SORCS1: variants seen among roughly 807,000 people sequenced by gnomAD.
SORCS1 encodes sortilin related VPS10 domain containing receptor 1.
In SORCS1, 60 loss-of-function variants were observed where a neutral mutation model predicts 146.1. The ratio of observed to expected loss-of-function variants is 0.41; its 90% CI spans 0.33 to 0.51. The LOEUF is 0.51. Ranked by LOEUF, SORCS1 falls within the 20% of genes least tolerant of loss-of-function variation. The pLI, the probability that SORCS1 is intolerant of heterozygous loss-of-function variation, is 0.21. For synonymous variants in SORCS1, 637 were observed against 584.0 expected (o/e 1.09, Z -1.31); for missense variants, 1,352 against 1,487.6 (o/e 0.91, Z 1.50).
At chr10:107,079,649 G>A (rs938567459) in intron 1 of SORCS1, among the ~76,000 whole-genome samples, 9 of 152,082 alleles carry the variant, frequency 5.9e-5, no homozygotes, top group Non-Finnish European at 1.2e-4. Context: ...CCCCAATTCC[G>A]AAAAATGGGT....
chr10:107,049,337 T>G (rs1253271115), intron 1 of SORCS1, among the ~76,000 whole-genome samples: 1 of 149,518 alleles, frequency 6.7e-6, no homozygotes, highest in Non-Finnish European at 1.5e-5. Flanking sequence ...AGTTAATGGG[T>G]GCAGCACACC....
At chr10:106,893,725 A>G (rs7096260) in intron 2 of SORCS1, among the ~76,000 whole-genome samples, 73,047 of 152,026 alleles carry the variant, frequency 0.48, 18,299 homozygotes, top group African/African-American at 0.62. Context: ...AAAAAAATGC[A>G]AGTGGAAAAA....
intron 2 of SORCS1, among the ~76,000 whole-genome samples, chr10:106,944,499 C>T (rs1439219482): frequency 6.6e-6 from 1 of 152,178 alleles, no homozygotes; most frequent in Non-Finnish European, 1.5e-5. Flanking sequence ...ACCTATGGTA[C>T]TTCTACTATG....
chr10:106,803,600 C>T (rs1947019274), intron 3 of SORCS1, among the ~76,000 whole-genome samples: 1 of 152,186 alleles, frequency 6.6e-6, no homozygotes, highest in Non-Finnish European at 1.5e-5. Context: ...CAACCTCTAT[C>T]AGCTCTTTAG....
intron 6 of SORCS1, among the ~76,000 whole-genome samples, chr10:106,722,589 G>C (rs1273101296): frequency 6.6e-6 from 1 of 152,156 alleles, no homozygotes; most frequent in Non-Finnish European, 1.5e-5. Flanking sequence ...CGGTGAATGA[G>C]ATTAGTCCTT....
chr10:106,989,473 AG>A (rs1956653743), intron 1 of SORCS1, among the ~76,000 whole-genome samples: 1 of 151,822 alleles, frequency 6.6e-6, no homozygotes, highest in African/African-American at 2.4e-5. Context: ...TCCATTCAGC[AG>A]GGCACTTTTG....
At chr10:107,098,657 T>A (rs965298137) in intron 1 of SORCS1, among the ~76,000 whole-genome samples, 10 of 152,254 alleles carry the variant, frequency 6.6e-5, no homozygotes, top group African/African-American at 1.4e-4. Flanking sequence ...GTGGCATAAC[T>A]TCTAACAATT....
At chr10:106,773,041 A>T (rs1860146520) in intron 4 of SORCS1, among the ~76,000 whole-genome samples, 1 of 152,180 alleles carries the variant, frequency 6.6e-6, no homozygotes, top group Non-Finnish European at 1.5e-5. Flanking sequence ...ATAAAGAAAA[A>T]GAGAAAAGAG....
intron 3 of SORCS1, among the ~76,000 whole-genome samples, chr10:106,780,691 G>T (rs1860819964): frequency 1.3e-5 from 2 of 152,168 alleles, no homozygotes. Context: ...GTGAAGATAA[G>T]AGAAAGACAC....
chr10:106,639,004 C>T (rs531114935), intron 18 of SORCS1, among the ~76,000 whole-genome samples: 32 of 152,192 alleles, frequency 2.1e-4, no homozygotes, highest in South Asian at 1.0e-3. Context: ...TATATTCTAA[C>T]GTCAATTTGA....
At chr10:106,641,493 T>C (rs1346238034) in intron 18 of SORCS1, among the ~76,000 whole-genome samples, 2 of 152,212 alleles carry the variant, frequency 1.3e-5, no homozygotes, top group Non-Finnish European at 2.9e-5. Context: ...TGCATTCTAA[T>C]GCATGTCTAG....
At chr10:107,000,426 C>T (rs1371311569) in intron 1 of SORCS1, among the ~76,000 whole-genome samples, 8 of 150,798 alleles carry the variant, frequency 5.3e-5, no homozygotes, top group Non-Finnish European at 8.8e-5. Context: ...GGTGAAACCC[C>T]GTCTCTACTA....
chr10:106,685,996 T>A (rs117643036), intron 10 of SORCS1, among the ~76,000 whole-genome samples: 15 of 152,300 alleles, frequency 9.8e-5, no homozygotes, highest in Non-Finnish European at 1.6e-4. Context: ...AATGGAAATG[T>A]TGTCTTGATT....
chr10:106,755,885 T>C (rs1319257335), intron 5 of SORCS1, among the ~76,000 whole-genome samples: 2 of 152,080 alleles, frequency 1.3e-5, no homozygotes, highest in African/African-American at 4.8e-5. Context: ...TCCTAGCACT[T>C]TGGGAGGCTG....
chr10:107,137,387 T>C (rs1967397213), intron 1 of SORCS1, among the ~76,000 whole-genome samples: 1 of 152,200 alleles, frequency 6.6e-6, no homozygotes, highest in Admixed American at 6.5e-5. Context: ...AGACTCTGCA[T>C]CCTCCATCCC....
In SORCS1 at chr10:106,576,952, C is replaced by T. The variant is rs554124001; in HGVS notation, c.*468G>A. 51 of 251,310 alleles carry T rather than the reference C, an allele frequency of 2.0e-4. No homozygotes were observed. In the South Asian group the frequency reaches 2.1e-3, roughly 10 times the overall value. The allele number at this position is 251,310 out of a possible 1,614,324, so 15.6% of individuals were successfully genotyped here. A position where few individuals can be genotyped will look rare whatever the true frequency, so the allele number is the denominator to read the frequency against. On this transcript the variant is annotated 3_prime_UTR_variant, in exon 26 of 26. Transcript: ENST00000263054. Reference sequence around the variant, plus strand: ...ATATGTTATGAATTTTCTACAAACACGACCGATCAGAAAAAAGAGAGAGAA... The same window carrying T: ...ATATGTTATGAATTTTCTACAAACATGACCGATCAGAAAAAAGAGAGAGAA...
chr10:106,653,221 ATAATT>A (rs1190729377), intron 17 of SORCS1, among the ~76,000 whole-genome samples: 1 of 152,234 alleles, frequency 6.6e-6, no homozygotes, highest in Admixed American at 6.5e-5. Context: ...ATTAACCTAT[ATAATT>A]TATCAGATTC....
intron 8 of SORCS1, among the ~76,000 whole-genome samples, chr10:106,700,662 C>A (rs922244909): frequency 2.6e-5 from 4 of 152,090 alleles, no homozygotes; most frequent in Non-Finnish European, 5.9e-5. Context: ...GTCATATATG[C>A]CCATGTTCTC....
intron 1 of SORCS1, among the ~76,000 whole-genome samples, chr10:107,153,283 G>A (rs528176531): frequency 6.6e-6 from 1 of 151,962 alleles, no homozygotes; most frequent in Non-Finnish European, 1.5e-5. Context: ...TCGTTTTTAA[G>A]AGTGGAGACT....
Sources: allele counts gnomAD v4.1 joint callset (sites outside exome capture counted in the v4.1 genomes callset), GRCh38; gene constraint gnomAD v4.1.1; transcripts MANE v1.5; gene names NCBI Gene and HGNC (gene_info 2026-07-23, HGNC 2026-07-21).